Variants in ESR1 observed in about 807,000 individuals in gnomAD.
ESR1 encodes the protein estrogen receptor.
ESR1 carries 12 observed loss-of-function variants against 52.7 expected under a neutral mutation model. That is an observed-to-expected ratio of 0.23 (90% CI 0.15 to 0.37). The LOEUF (loss-of-function observed/expected upper bound fraction) is 0.37, where lower values mean the gene tolerates loss of function less well. ESR1 is among the 10% of genes least tolerant of loss of function. The pLI is 1.00. For missense variants in ESR1, 584 were observed against 779.7 expected (o/e 0.75, Z 2.99); for synonymous variants, 305 against 316.8 (o/e 0.96, Z 0.39).
intron 3 of ESR1, among the ~76,000 whole-genome samples, chr6:151,926,836 T>G (rs76544517): frequency 0.024 from 3,716 of 152,218 alleles, 102 homozygotes; most frequent in East Asian, 0.075. Context: ...CTATATATCT[T>G]TTATTTCTTT....
At chr6:151,810,012 C>G (rs1327492569) in intron 1 of ESR1, among the ~76,000 whole-genome samples, 2 of 152,054 alleles carry the variant, frequency 1.3e-5, no homozygotes, top group Non-Finnish European at 2.9e-5. Context: ...ATTTTCTTCC[C>G]TATTTAATTT....
chr6:151,922,256 C>T (rs946669240), intron 3 of ESR1, among the ~76,000 whole-genome samples: 2 of 152,034 alleles, frequency 1.3e-5, no homozygotes, highest in Non-Finnish European at 2.9e-5. Context: ...AACTGGCTAG[C>T]CACATACAGA....
intron 3 of ESR1, among the ~76,000 whole-genome samples, chr6:151,891,052 G>T (rs1794637528): frequency 6.6e-6 from 1 of 151,914 alleles, no homozygotes; most frequent in Non-Finnish European, 1.5e-5. Context: ...TTTGCTACAG[G>T]ATTTTGCTTT....
chr6:151,860,331 C>T (rs1235783379), intron 2 of ESR1, among the ~76,000 whole-genome samples: 1 of 152,070 alleles, frequency 6.6e-6, no homozygotes, highest in Admixed American at 6.6e-5. Flanking sequence ...TATTGTTAAA[C>T]ATAGTCATCA....
chr6:152,002,621 G>A (rs2042044285), intron 4 of ESR1, among the ~76,000 whole-genome samples: 1 of 151,982 alleles, frequency 6.6e-6, no homozygotes, highest in African/African-American at 2.4e-5. Context: ...GCAGTCTTAA[G>A]TACTTTACTT....
Position 152,122,797 on chromosome 6 carries a change from C to T in ESR1, c.851-2469C>T, listed in dbSNP as rs1004191612. The T allele has an allele frequency of 2.7e-5, 40 of 1,484,138 alleles. 1 individual carries two copies. Among genetic ancestry groups the T allele is most frequent in the Middle Eastern group, 2.3e-4 (1 of 4,356 alleles). The allele number at this position is 1,484,138 out of a possible 1,614,324, so 91.9% of individuals were successfully genotyped here. A position where few individuals can be genotyped will look rare whatever the true frequency, so the allele number is the denominator to read the frequency against. ...GCCAAGCACACCCCAGCCTGGCGAT[C>T]AGCTGCCAGCCTTCCACAGTGTGCC... On this transcript the variant is annotated intron_variant, in intron 6 of 6. Coordinates refer to the ESR1 transcript ENST00000427531.
At chr6:151,966,116 C>T (rs2038243922) in intron 4 of ESR1, among the ~76,000 whole-genome samples, 1 of 151,892 alleles carries the variant, frequency 6.6e-6, no homozygotes, top group Non-Finnish European at 1.5e-5. Context: ...TCTCTTATAC[C>T]CAAAAAATTT....
chr6:151,966,620 G>A (rs1280544938), intron 4 of ESR1, among the ~76,000 whole-genome samples: 1 of 151,684 alleles, frequency 6.6e-6, no homozygotes, highest in Non-Finnish European at 1.5e-5. Context: ...TCACTTACTA[G>A]ATCTTCAGTC....
intron 6 of ESR1, among the ~76,000 whole-genome samples, chr6:152,092,893 A>G (rs2050299975): frequency 6.6e-6 from 1 of 152,054 alleles, no homozygotes; most frequent in Non-Finnish European, 1.5e-5. Context: ...CAGAAATCCA[A>G]CTCACACTAT....
intron 1 of ESR1, chr6:151,809,279 G>A: frequency 2.7e-6 from 1 of 373,610 alleles, no homozygotes; most frequent in Non-Finnish European, 5.8e-6. Context: ...AAGGTTGTGT[G>A]TCCTCATTTT....
chr6:151,842,446 C>A, intron 1 of ESR1, 151 bp from the exon 2 acceptor site: 1 of 783,484 alleles, frequency 1.3e-6, no homozygotes, highest in Non-Finnish European at 2.1e-6. Flanking sequence ...ACACCTTTTG[C>A]TGCAACAGAC....
At chr6:151,845,200 G>A (rs1784911737) in intron 2 of ESR1, among the ~76,000 whole-genome samples, 2 of 152,180 alleles carry the variant, frequency 1.3e-5, no homozygotes, top group Admixed American at 1.3e-4. Flanking sequence ...CGAATACAGT[G>A]TGAGATGTTT....
chr6:151,911,617 C>G (rs1169541809), intron 3 of ESR1, among the ~76,000 whole-genome samples: 1 of 152,234 alleles, frequency 6.6e-6, no homozygotes, highest in Non-Finnish European at 1.5e-5. Flanking sequence ...CCTCCCTCCC[C>G]ACTCACAGCT....
In ESR1 at chr6:151,807,743, C is replaced by A. The variant is rs9340772; in HGVS notation, c.-170C>A. ...CTCCCGTCGGGTCGCCCGGCTTCAC[C>A]GGACCCGCAGGCTCCCGGGGCAGGG... On this transcript the variant is annotated 5_prime_UTR_variant, in exon 1 of 8. Coordinates refer to ENST00000206249, the MANE Select transcript of ESR1 (RefSeq NM_000125.4). 1 of 713,160 alleles carries A rather than the reference C, an allele frequency of 1.4e-6. No homozygotes were observed. The highest frequency in any genetic ancestry group is 1.6e-5 in the South Asian group (1 of 61,176). 44.2% of individuals were successfully genotyped at this position (713,160 alleles called of 1,614,324 possible).
Position 152,061,099 on chromosome 6 carries a change from C to T in ESR1, c.1344C>T (p.Leu448=), listed in dbSNP as rs1318190790. ...MNLQGEEFVC[L]KSIILLNSGV... ...TGCAGGGAGAGGAGTTTGTGTGCCT[C>T]AAATCTATTATTTTGCTTAATTCTG... Residue 448 remains leucine (L), a synonymous_variant, in exon 6 of 8, where the codon CTC becomes CTT. Coordinates refer to ENST00000206249, the MANE Select transcript of ESR1 (RefSeq NM_000125.4). This position sits in a 1 kb window ranked among gnomAD's most constrained non-coding sequence, Gnocchi z 4.3. 11 of 1,613,722 alleles carry T rather than the reference C, an allele frequency of 6.8e-6. No individual in the cohort carries two copies. Among genetic ancestry groups the T allele is most frequent in the Non-Finnish European group, 9.3e-6 (11 of 1,179,910 alleles).
chr6:152,038,396 T>A (rs2045498752), intron 5 of ESR1, among the ~76,000 whole-genome samples: 2 of 152,174 alleles, frequency 1.3e-5, no homozygotes, highest in South Asian at 4.1e-4. Context: ...GCACTTTGCA[T>A]CCTTCAATAC....
intron 2 of ESR1, among the ~76,000 whole-genome samples, chr6:151,755,793 G>A (rs1309501025): frequency 6.6e-6 from 1 of 152,064 alleles, no homozygotes; most frequent in Non-Finnish European, 1.5e-5. Context: ...ACCATGCCCA[G>A]CTACTTTTTG....
chr6:151,907,530 T>A (rs1361532063), intron 3 of ESR1, among the ~76,000 whole-genome samples: 2 of 152,108 alleles, frequency 1.3e-5, no homozygotes, highest in Non-Finnish European at 2.9e-5. Context: ...TTTTACAAAT[T>A]TGGGATTATA....
At chr6:151,898,773 A>C (rs1427302938) in intron 3 of ESR1, among the ~76,000 whole-genome samples, 1 of 152,166 alleles carries the variant, frequency 6.6e-6, no homozygotes, top group African/African-American at 2.4e-5. Flanking sequence ...GTACAGAACA[A>C]AATGAAAAGT....
Sources: allele counts gnomAD v4.1 joint callset (sites outside exome capture counted in the v4.1 genomes callset), GRCh38; gene constraint gnomAD v4.1.1; non-coding constraint Gnocchi (gnomAD v3.1); transcripts MANE v1.5; gene names NCBI Gene and HGNC (gene_info 2026-07-23, HGNC 2026-07-21).